Variants in OPCML observed in about 807,000 individuals in gnomAD.
OPCML encodes the protein opioid binding protein/cell adhesion molecule like.
A neutral mutation model predicts 37.8 loss-of-function variants in OPCML; 13 were observed. That is an observed-to-expected ratio of 0.34 (90% CI 0.22 to 0.55). The LOEUF (loss-of-function observed/expected upper bound fraction) is 0.55. OPCML is among the 20% of genes least tolerant of loss of function. The probability of loss-of-function intolerance (pLI) is 0.91; values close to 1 mark genes in which losing one functional copy is unlikely to be tolerated. For missense variants in OPCML, 341 were observed against 435.6 expected, an observed-to-expected ratio of 0.78 and a Z score of 1.93; for synonymous variants, 176 against 168.8, an observed-to-expected ratio of 1.04 and a Z score of -0.33.
chr11:133,272,644 G>C (rs899635647), intron 1 of OPCML, among the ~76,000 whole-genome samples: 2 of 152,214 alleles, frequency 1.3e-5, no homozygotes, highest in African/African-American at 4.8e-5. Context: ...AGGGGCAGGA[G>C]GAGGTGGATT....
chr11:132,498,706 T>C (rs1014650469), intron 4 of OPCML, among the ~76,000 whole-genome samples: 1 of 143,318 alleles, frequency 7.0e-6, no homozygotes, highest in Non-Finnish European at 1.5e-5. Context: ...CTCTTAGGCA[T>C]ATAGGATCCG....
intron 2 of OPCML, among the ~76,000 whole-genome samples, chr11:132,933,091 T>C (rs987162892): frequency 2.0e-5 from 3 of 152,158 alleles, no homozygotes; most frequent in African/African-American, 7.2e-5. Context: ...TATGAACTGT[T>C]TCCACTGCAC....
chr11:133,475,429 A>G (rs982417568), intron 1 of OPCML, among the ~76,000 whole-genome samples: 3 of 151,900 alleles, frequency 2.0e-5, no homozygotes, highest in African/African-American at 4.8e-5. Flanking sequence ...TTTTTTATCC[A>G]TTACAGACAA....
chr11:132,631,639 A>T lies in OPCML; in HGVS notation c.379+25448T>A, dbSNP rs1286492482. Among the ~76,000 whole-genome samples the T allele has an allele frequency of 4.1e-4, 61 of 147,908 alleles. 1 individual carries two copies. The highest frequency in any genetic ancestry group is 1.2e-3 in the African/African-American group (49 of 39,910). On this transcript the variant is annotated intron_variant, in intron 3 of 7. Transcript: ENST00000524381. Reference sequence around the variant, plus strand: ...CACGCCCGGCTAATTTTTTTTTTTTATTTTTAGTAGAGACATATATTTTTA... The same window carrying T: ...CACGCCCGGCTAATTTTTTTTTTTTTTTTTTAGTAGAGACATATATTTTTA...
intron 1 of OPCML, among the ~76,000 whole-genome samples, chr11:133,138,759 CCT>C (rs1949728212): frequency 6.6e-6 from 1 of 152,080 alleles, no homozygotes; most frequent in Non-Finnish European, 1.5e-5. Context: ...TAGAGCGAAC[CCT>C]CTCTAAGACC....
intron 2 of OPCML, chr11:132,772,928 G>T (rs1416474521): frequency 6.6e-6 from 1 of 152,170 alleles, no homozygotes; most frequent in African/African-American, 2.4e-5. Flanking sequence ...ACCTGTCTGG[G>T]GCACATTGGA....
chr11:132,707,652 G>A (rs1226740575), intron 2 of OPCML, among the ~76,000 whole-genome samples: 1 of 152,164 alleles, frequency 6.6e-6, no homozygotes, highest in Non-Finnish European at 1.5e-5. Flanking sequence ...CACAAAATAA[G>A]ATAAACTACC....
At chr11:132,923,203 G>T (rs1443147947) in intron 2 of OPCML, among the ~76,000 whole-genome samples, 1 of 152,066 alleles carries the variant, frequency 6.6e-6, no homozygotes, top group East Asian at 1.9e-4. Flanking sequence ...CCCCCTGCAT[G>T]CTCTGGTAAA....
chr11:133,532,082 CGT>C (rs1948617781), intron 1 of OPCML, 180 bp downstream of exon 1: 14 of 577,944 alleles, frequency 2.4e-5, no homozygotes, highest in Non-Finnish European at 2.8e-5. Flanking sequence ...CATCTGCGCG[CGT>C]GTGAGCGAGT....
intron 1 of OPCML, chr11:133,003,649 G>A (rs1322721589): frequency 1.0e-6 from 1 of 984,958 alleles, no homozygotes; most frequent in Non-Finnish European, 1.2e-6. Context: ...TTGTTTTGTG[G>A]AACATACTAA....
chr11:132,796,012 C>T (rs552879248), intron 2 of OPCML, among the ~76,000 whole-genome samples: 2 of 152,288 alleles, frequency 1.3e-5, no homozygotes, highest in African/African-American at 4.8e-5. Flanking sequence ...GGTCCCTAAA[C>T]AATACAGTTT....
At chr11:133,355,417 C>G (rs1944260428) in intron 1 of OPCML, among the ~76,000 whole-genome samples, 1 of 152,120 alleles carries the variant, frequency 6.6e-6, no homozygotes, top group Non-Finnish European at 1.5e-5. Flanking sequence ...ATCAAAGATC[C>G]AGGATTGTTA....
At chr11:133,098,887 C>T (rs1378517553) in intron 1 of OPCML, among the ~76,000 whole-genome samples, 1 of 152,178 alleles carries the variant, frequency 6.6e-6, no homozygotes, top group South Asian at 2.1e-4. Flanking sequence ...GACTGTATTT[C>T]TTTGCAGATG....
intron 2 of OPCML, among the ~76,000 whole-genome samples, chr11:132,923,443 C>T (rs1239463087): frequency 1.3e-5 from 2 of 152,068 alleles, no homozygotes; most frequent in Non-Finnish European, 2.9e-5. Flanking sequence ...ACAGGAAAAT[C>T]AGAAAATATT....
chr11:133,253,420 T>C (rs1300454891), intron 1 of OPCML, among the ~76,000 whole-genome samples: 1 of 152,122 alleles, frequency 6.6e-6, no homozygotes, highest in African/African-American at 2.4e-5. Context: ...AGTGATTCTC[T>C]TGCCTTAGTC....
intron 2 of OPCML, among the ~76,000 whole-genome samples, chr11:132,781,954 A>ATATATAT (rs1276466419): frequency 9.3e-6 from 1 of 107,796 alleles, no homozygotes; most frequent in African/African-American, 3.5e-5. Context: ...ATATATATAT[A>ATATATAT]TTTTTTTTTT....
At chr11:132,898,468 A>C (rs182313549) in intron 2 of OPCML, among the ~76,000 whole-genome samples, 1 of 152,318 alleles carries the variant, frequency 6.6e-6, no homozygotes, top group East Asian at 1.9e-4. Context: ...GGGATCCACT[A>C]ATCTTACCAT....
intron 1 of OPCML, among the ~76,000 whole-genome samples, chr11:132,998,414 A>G (rs186054494): frequency 6.6e-6 from 1 of 151,938 alleles, no homozygotes; most frequent in Non-Finnish European, 1.5e-5. Context: ...CTCTGGGCCT[A>G]CTCATGCTCC....
chr11:133,485,143 C>T (rs1456359384), intron 1 of OPCML, among the ~76,000 whole-genome samples: 1 of 152,038 alleles, frequency 6.6e-6, no homozygotes, highest in Non-Finnish European at 1.5e-5. Flanking sequence ...TTTAAAAATA[C>T]AAACACTTCA....
Sources: gnomAD v4.1 joint callset for allele counts (sites outside exome capture counted in the v4.1 genomes callset) on GRCh38, gnomAD v4.1.1 for gene constraint, MANE v1.5 for transcripts, NCBI Gene and HGNC (gene_info 2026-07-23, HGNC 2026-07-21) for gene names.